The following SZRD1 variants were observed in gnomAD, a reference collection of about 807,000 sequenced individuals.
SZRD1 encodes the protein SUZ RNA binding domain containing 1.
A neutral mutation model predicts 17.6 loss-of-function variants in SZRD1; 7 were observed. That is an observed-to-expected ratio of 0.40 (90% CI 0.23 to 0.75). The LOEUF (loss-of-function observed/expected upper bound fraction) is 0.75. Among genes scored for constraint, SZRD1 ranks in the 30% least tolerant of loss-of-function variants. The pLI, the probability that SZRD1 is intolerant of heterozygous loss-of-function variation, is 0.38. For synonymous variants in SZRD1, 77 were observed against 77.9 expected (o/e 0.99, Z 0.06); for missense variants, 178 against 201.8 (o/e 0.88, Z 0.71).
In SZRD1 at chr1:16,369,182, T is replaced by A. The variant is rs568565804; in HGVS notation, c.51+1874T>A. The A allele has an allele frequency of 1.0e-5, 5 of 476,984 alleles. No individual in the cohort carries two copies. The Admixed American group carries it at 1.1e-4, about 10-fold the overall frequency. The allele number at this position is 476,984 out of a possible 1,614,324, so 29.5% of individuals were successfully genotyped here. The stretch of plus-strand genomic sequence containing the variant: ...TCATCTTCCTCCTCTTTGTCCTGGT[T>A]AATCTGGAAGTAACATAATTTGTAG... On this transcript the variant is annotated intron_variant, in intron 1 of 3. Coordinates refer to ENST00000401088, the MANE Select transcript of SZRD1 (RefSeq NM_001114600.3).
chr1:16,391,634 C>G lies in SZRD1; in HGVS notation c.101+210C>G, dbSNP rs1376223120. 2.0e-5 allele frequency among the ~76,000 whole-genome samples: 3 copies of G among 152,072 alleles called. No homozygotes were observed. Among genetic ancestry groups the G allele is most frequent in the Non-Finnish European group, 4.4e-5 (3 of 68,030 alleles). On this transcript the variant is annotated intron_variant, in intron 2 of 3. Transcript: ENST00000401088. The surrounding 1 kb of genome is among the most constrained non-coding windows in gnomAD (Gnocchi z 4.3). ...GGGTGTTGCACCTGCCTCTGACCTT[C>G]GTGGGCTCCCTGTGTGAGGTCATCT...
chr1:16,386,766 C>T (rs1382839713), intron 1 of SZRD1, among the ~76,000 whole-genome samples: 2 of 152,138 alleles, frequency 1.3e-5, no homozygotes, highest in East Asian at 1.9e-4. Context: ...GAATCCCTCT[C>T]CAGCTCTGAT....
At chr1:16,380,141 G>A (rs575320502) in intron 1 of SZRD1, among the ~76,000 whole-genome samples, 10 of 152,234 alleles carry the variant, frequency 6.6e-5, no homozygotes, top group African/African-American at 2.2e-4. Context: ...AACAGATTAA[G>A]GGTTTTAGAA....
rs537052726 is a variant in SZRD1 at position 16,395,161 on chromosome 1, C to T, written c.*21C>T. 3.7e-5 allele frequency: 58 copies of T among 1,567,768 alleles called. No individual in the cohort carries two copies. Among genetic ancestry groups the T allele is most frequent in the Admixed American group, 1.2e-4 (7 of 59,908 alleles). The stretch of plus-strand genomic sequence containing the variant: ...GATAAATGCAGGCAAGAAAAGATGC[C>T]GCCGTTGCTGCCGTCACCGCCTCCT... On this transcript the variant is annotated 3_prime_UTR_variant, in exon 4 of 4. Coordinates refer to ENST00000401088, the MANE Select transcript of SZRD1 (RefSeq NM_001114600.3).
Position 16,393,208 on chromosome 1 carries a change from C to T in SZRD1, c.102-20C>T. 1.9e-6 allele frequency: 3 copies of T among 1,610,764 alleles called. No individual in the cohort carries two copies. The highest frequency in any genetic ancestry group is 2.5e-6 in the Non-Finnish European group (3 of 1,177,394). On this transcript the variant is annotated intron_variant, in intron 2 of 3. Coordinates refer to ENST00000401088, the MANE Select transcript of SZRD1 (RefSeq NM_001114600.3). This position sits in a 1 kb window ranked among gnomAD's most constrained non-coding sequence, Gnocchi z 5.6. ...TTAGTCAGGAGCATGATTTGTGAAG[C>T]TGTGTTTGCTCTTTGTCAGCAGGAA...
At chr1:16,384,638 C>T (rs531672949) in intron 1 of SZRD1, among the ~76,000 whole-genome samples, 2 of 152,348 alleles carry the variant, frequency 1.3e-5, no homozygotes, top group South Asian at 4.1e-4. Flanking sequence ...CAGTGTCCCT[C>T]CCAAGGCCTG....
intron 1 of SZRD1, among the ~76,000 whole-genome samples, chr1:16,383,376 A>G (rs1437968908): frequency 2.0e-5 from 3 of 151,738 alleles, no homozygotes; most frequent in Non-Finnish European, 4.4e-5. Context: ...GTGTGCCACC[A>G]TGCCCAGCTA....
intron 1 of SZRD1, among the ~76,000 whole-genome samples, chr1:16,389,275 G>T (rs28463727): frequency 2.7e-5 from 3 of 112,964 alleles, no homozygotes; most frequent in Non-Finnish European, 3.6e-5. Flanking sequence ...TTGAGGGGGG[G>T]TGGGGGGGGG....
intron 1 of SZRD1, among the ~76,000 whole-genome samples, chr1:16,382,737 C>T (rs1455908036): frequency 3.3e-5 from 5 of 152,132 alleles, no homozygotes; most frequent in African/African-American, 1.2e-4. Context: ...TCAGGTGATC[C>T]GCCAGCCTCG....
At chr1:16,390,259 C>G (rs1392635267) in intron 1 of SZRD1, among the ~76,000 whole-genome samples, 2 of 152,200 alleles carry the variant, frequency 1.3e-5, no homozygotes, top group Non-Finnish European at 2.9e-5. Context: ...GGCCTCTCCC[C>G]ACACCCCTGT....
chr1:16,367,266 T>A lies in SZRD1; in HGVS notation c.9T>A (p.Asp3Glu). ...GGAAAGCGGCGAGTAAGATGGAAGA[T>A]GAGGAGGTCGCTGAGAGCTGGGAAG... ME[D>E]EEVAESWEEA... The change falls in exon 1 of 4, where the codon GAT (aspartate) becomes GAA (glutamate). Residue 3 changes from aspartate to glutamate, a missense_variant. Transcript: ENST00000401088. The A allele has an allele frequency of 6.5e-7, 1 of 1,548,118 alleles. No homozygotes were observed. Among genetic ancestry groups the A allele is most frequent in the Non-Finnish European group, 8.7e-7 (1 of 1,146,304 alleles).
intron 1 of SZRD1, chr1:16,387,037 A>G (rs1193417747): frequency 7.1e-6 from 2 of 282,324 alleles, no homozygotes; most frequent in Non-Finnish European, 1.4e-5. Flanking sequence ...GATAAAAGCT[A>G]CTTTGTCTGC....
Position 16,389,647 on chromosome 1 carries a change from G to A in SZRD1, c.52-1728G>A, listed in dbSNP as rs373765816. The stretch of plus-strand genomic sequence containing the variant: ...TTTTTATTAGAGACGGGGTTTCACC[G>A]CGTTAGCCAGGATGGTCTCAATCTC... On this transcript the variant is annotated intron_variant, in intron 1 of 3. Transcript: ENST00000401088. Among the ~76,000 whole-genome samples the A allele has an allele frequency of 4.6e-5, 7 of 152,038 alleles. No homozygotes were observed. The South Asian group carries it at 1.0e-3, about 23-fold the overall frequency.
chr1:16,367,345 G>A (rs1360251790), intron 1 of SZRD1, 37 bp downstream of exon 1: 4 of 1,537,878 alleles, frequency 2.6e-6, no homozygotes, highest in East Asian at 4.9e-5. Flanking sequence ...AGGGCCGGGC[G>A]AGACCTGGCG....
chr1:16,374,491 C>T (rs1570001495), intron 1 of SZRD1, among the ~76,000 whole-genome samples: 2 of 152,324 alleles, frequency 1.3e-5, no homozygotes, highest in Non-Finnish European at 2.9e-5. Context: ...GCCATGGTTG[C>T]CGTGGGCTAG....
chr1:16,375,052 A>G (rs746341927), intron 1 of SZRD1, among the ~76,000 whole-genome samples: 1 of 151,422 alleles, frequency 6.6e-6, no homozygotes, highest in Non-Finnish European at 1.5e-5. Flanking sequence ...CAATTTTTGT[A>G]TTTTTAGTAG....
chr1:16,384,356 A>G (rs1269399736), intron 1 of SZRD1, among the ~76,000 whole-genome samples: 1 of 150,730 alleles, frequency 6.6e-6, no homozygotes, highest in East Asian at 1.9e-4. Context: ...TGGAGAACAT[A>G]GCAAGACCCC....
intron 1 of SZRD1, among the ~76,000 whole-genome samples, chr1:16,371,541 A>C (rs2082914575): frequency 6.8e-6 from 1 of 146,646 alleles, no homozygotes; most frequent in Non-Finnish European, 1.5e-5. Flanking sequence ...GGCTCATTGC[A>C]AGCTCCGCCT....
intron 1 of SZRD1, among the ~76,000 whole-genome samples, chr1:16,388,566 A>G (rs974289816): frequency 6.6e-5 from 10 of 152,154 alleles, no homozygotes; most frequent in African/African-American, 2.4e-4. Flanking sequence ...TGTTCTAGGA[A>G]ATACTGACCA....
Sources: gnomAD v4.1 joint callset for allele counts (sites outside exome capture counted in the v4.1 genomes callset) on GRCh38, gnomAD v4.1.1 for gene constraint, Gnocchi (gnomAD v3.1) non-coding constraint, MANE v1.5 for transcripts, NCBI Gene and HGNC (gene_info 2026-07-23, HGNC 2026-07-21) for gene names.